Variants in GCDH observed in about 807,000 individuals in gnomAD.
The protein encoded by GCDH is glutaryl-CoA dehydrogenase, mitochondrial.
A neutral mutation model predicts 52.8 loss-of-function variants in GCDH; 31 were observed. The observed-to-expected ratio is 0.59, with a 90% CI of 0.44 to 0.79. The LOEUF (loss-of-function observed/expected upper bound fraction) is 0.79. GCDH is among the 30% of genes least tolerant of loss of function. GCDH has a pLI of 0.00. For synonymous variants in GCDH, 242 were observed against 250.0 expected (o/e 0.97, Z 0.30); for missense variants, 509 against 595.0 (o/e 0.86, Z 1.50).
rs1203022386 is a variant in GCDH at position 12,896,270 on chromosome 19, G to A, written c.701G>A (p.Arg234Gln). The change falls in exon 8 of 12, where the codon CGG (arginine) becomes CAG (glutamine). Residue 234 changes from arginine to glutamine, a missense_variant. Physicochemically the swap from Arg to Gln is conservative, Grantham distance 43 (BLOSUM62 1). Transcript: ENST00000222214. This position sits in a 1 kb window ranked among gnomAD's most constrained non-coding sequence, Gnocchi z 5.5. ...GCTCGGTGTGAAGATGGCTGCATTC[G>A]GGGCTTCCTGCTGGAGAAGGGGATG... ...VWARCEDGCIRGFLLEKGMRG... is the reference protein window; with the variant it reads ...VWARCEDGCIQGFLLEKGMRG... 6.8e-6 allele frequency: 11 copies of A among 1,611,880 alleles called. No individual in the cohort carries two copies. The highest frequency in any genetic ancestry group is 3.3e-4 in the Middle Eastern group (2 of 6,052).
Position 12,895,982 on chromosome 19 carries a change from G to A in GCDH, c.506-10G>A, listed in dbSNP as rs753347860. 3 of 1,613,748 alleles carry A rather than the reference G, an allele frequency of 1.9e-6. No homozygotes were observed. In the Admixed American group the frequency reaches 5.0e-5, roughly 27 times the overall value. On this transcript the variant is annotated splice_polypyrimidine_tract_variant and intron_variant, in intron 6 of 11. Coordinates refer to ENST00000222214, the MANE Select transcript of GCDH (RefSeq NM_000159.4). ...CCAGGCAGCCTTGTGACTTTGTCTT[G>A]TGCCTGCAGCCAAGGGGGAGCTCCT...
In GCDH at chr19:12,899,946, G is replaced by A. The variant is rs1245500337; in HGVS notation, c.*405G>A. 5 of 1,611,396 alleles carry A rather than the reference G, an allele frequency of 3.1e-6. No individual in the cohort carries two copies. The highest frequency in any genetic ancestry group is 1.1e-5 in the South Asian group (1 of 90,872). On this transcript the variant is annotated 3_prime_UTR_variant, in exon 12 of 12. Transcript: ENST00000222214. ...GGTGTTGGAGCAGAGTGAGGGAGAG[G>A]AAAATAAAGACCTGCACATCTGACC...
chr19:12,897,469 G>A (rs1258666296), intron 10 of GCDH, 41 bp downstream of exon 10: 8 of 1,607,212 alleles, frequency 5.0e-6, no homozygotes, highest in Non-Finnish European at 6.8e-6. Context: ...GGCAGCGGTG[G>A]CTGGAGGACC....
chr19:12,897,771 A>G lies in GCDH; in HGVS notation c.1151A>G (p.Gln384Arg). Residue 384 changes from glutamine to arginine, a missense_variant, in exon 11 of 12, where the codon CAG becomes CGG. Transcript: ENST00000222214. ...GGGAAAGCCCTGGACATCGCCCGCCAGGCCCGAGACATGCTGGGGGGGAAT... is the reference window on the plus strand; with the variant it reads ...GGGAAAGCCCTGGACATCGCCCGCCGGGCCCGAGACATGCTGGGGGGGAAT... ...NCGKALDIAR[Q>R]ARDMLGGNGI... 1 of 1,614,048 alleles carries G rather than the reference A, an allele frequency of 6.2e-7. No homozygotes were observed.
At position 12,891,470 on chromosome 19, in the gene GCDH, C is replaced by T. The variant is rs1373329855; in HGVS notation, c.92-17C>T. On this transcript the variant is annotated splice_polypyrimidine_tract_variant and intron_variant, in intron 2 of 11. Transcript: ENST00000222214. ...TTAGGGACTTTCCGGGGTGACTTTC[C>T]CGTTCTGTGCTTGCAGAGAAAGGCG... The T allele has an allele frequency of 2.5e-6, 4 of 1,614,204 alleles. No individual in the cohort carries two copies. Among genetic ancestry groups the T allele is most frequent in the Admixed American group, 1.7e-5 (1 of 60,024 alleles).
At chr19:12,898,928 C>G (rs1042600529) in intron 11 of GCDH, 7 of 234,710 alleles carry the variant, frequency 3.0e-5, no homozygotes, top group African/African-American at 1.6e-4. Flanking sequence ...CTGGGAGAGG[C>G]GGCTTCAGAT....
Position 12,893,629 on chromosome 19 carries a change from C to T in GCDH, c.481C>T (p.Arg161Trp), listed in dbSNP as rs1173575355. ...CTATGCCTATGGCAGCGAGGAACAG[C>T]GGCAGAAGTACCTGCCCCAGCTGGG... ...PIYAYGSEEQ[R>W]QKYLPQLAKG... Residue 161 changes from arginine (R) to tryptophan (W), a missense_variant, in exon 6 of 12, where the codon CGG (arginine) becomes TGG (tryptophan). Coordinates refer to ENST00000222214, the MANE Select transcript of GCDH (RefSeq NM_000159.4). 7 of 1,614,020 alleles carry T rather than the reference C, an allele frequency of 4.3e-6. No homozygotes were observed. Among genetic ancestry groups the T allele is most frequent in the Middle Eastern group, 1.6e-4 (1 of 6,062 alleles).
intron 10 of GCDH, 117 bp from the exon 11 acceptor site, chr19:12,897,586 C>A: frequency 6.9e-7 from 1 of 1,444,976 alleles, no homozygotes; most frequent in Non-Finnish European, 9.7e-7. Context: ...GACAGCCCCA[C>A]TGGTCCCTCA....
At position 12,893,627 on chromosome 19, in the gene GCDH, A is replaced by G. The variant is rs1176799813; in HGVS notation, c.479A>G (p.Gln160Arg). The change falls in exon 6 of 12, where the codon CAG becomes CGG. Residue 160 changes from glutamine (Q) to arginine (R), a missense_variant. Gln to Arg is a conservative substitution (Grantham distance 43, BLOSUM62 1). Coordinates refer to ENST00000222214, the MANE Select transcript of GCDH (RefSeq NM_000159.4). ...ATCTATGCCTATGGCAGCGAGGAAC[A>G]GCGGCAGAAGTACCTGCCCCAGCTG... Reference protein sequence around the residue: ...HPIYAYGSEEQRQKYLPQLAK... With the variant: ...HPIYAYGSEERRQKYLPQLAK... 4 of 1,613,982 alleles carry G rather than the reference A, an allele frequency of 2.5e-6. No individual in the cohort carries two copies. Among genetic ancestry groups the G allele is most frequent in the Non-Finnish European group, 3.4e-6 (4 of 1,180,012 alleles).
intron 6 of GCDH, chr19:12,894,745 A>C: frequency 1.2e-6 from 1 of 833,512 alleles, no homozygotes; most frequent in Non-Finnish European, 1.9e-6. Context: ...AAAATAAAGA[A>C]GAGGCTGCAG....
chr19:12,891,138 GC>G, upstream of GCDH: 2 of 637,518 alleles, frequency 3.1e-6, no homozygotes, highest in Non-Finnish European at 5.7e-6. Context: ...CCCACTTCTT[GC>G]TGAGGTCAAA....
At position 12,896,135 on chromosome 19, in the gene GCDH, G is replaced by A. The variant is rs1342410963; in HGVS notation, c.635+14G>A. ...GACCAAGACCTGGTAAGGGTTCTGG[G>A]TGGTGGGCAGGTGGTGAACAGGGGC... is the stretch of plus-strand genomic sequence containing the variant. On this transcript the variant is annotated intron_variant, in intron 7 of 11. Transcript: ENST00000222214. The surrounding 1 kb of genome is among the most constrained non-coding windows in gnomAD (Gnocchi z 5.5). The A allele has an allele frequency of 1.2e-6, 2 of 1,614,176 alleles. No homozygotes were observed. Among genetic ancestry groups the A allele is most frequent in the Admixed American group, 1.7e-5 (1 of 60,016 alleles).
intron 9 of GCDH, 47 bp downstream of exon 9, chr19:12,897,060 G>A: frequency 6.8e-7 from 1 of 1,477,662 alleles, no homozygotes; most frequent in Non-Finnish European, 9.4e-7. Flanking sequence ...GGGGCAGCTT[G>A]GGTTTCACTC....
rs747459082 is a variant in GCDH at position 12,891,358 on chromosome 19, C to T, written c.54C>T (p.His18=). The part of the protein sequence containing the change: ...VRLLSRGPGL[H]VLRTWVSSAA... Reference sequence around the variant, plus strand: ...TGCTGAGCCGCGGACCCGGCCTGCACGTCCTTCGCACGTGGGTCTCGTCGG... The same window carrying T: ...TGCTGAGCCGCGGACCCGGCCTGCATGTCCTTCGCACGTGGGTCTCGTCGG... The change falls in exon 2 of 12, where the codon CAC becomes CAT. Residue 18 remains histidine, a synonymous_variant. Coordinates refer to ENST00000222214, the MANE Select transcript of GCDH (RefSeq NM_000159.4). The T allele has an allele frequency of 1.9e-5, 30 of 1,613,556 alleles. No individual in the cohort carries two copies. Among genetic ancestry groups the T allele is most frequent in the South Asian group, 3.3e-5 (3 of 91,084 alleles).
intron 11 of GCDH, among the ~76,000 whole-genome samples, chr19:12,898,587 G>A (rs1309965405): frequency 6.6e-6 from 1 of 151,326 alleles, no homozygotes; most frequent in East Asian, 2.0e-4. Context: ...CGGGCGCCAT[G>A]AGATGGTTTT....
intron 6 of GCDH, chr19:12,894,905 C>G: frequency 3.6e-6 from 1 of 275,656 alleles, no homozygotes; most frequent in Non-Finnish European, 6.8e-6. Flanking sequence ...CAAATAAGAT[C>G]AGATTCGCAA....
In GCDH at chr19:12,897,003, G is replaced by T; in HGVS notation, c.946G>T (p.Ala316Ser). The change falls in exon 9 of 12, where the codon GCC (alanine) becomes TCC (serine). Residue 316 changes from alanine to serine, a missense_variant. Physicochemically the swap from Ala to Ser is moderately conservative, Grantham distance 99. Transcript: ENST00000222214. ...CTGCTTGCACACAGCCCGGCAGTAC[G>T]CCCTCGACAGGTGTGTGAGGGCTGC... ...EFCLHTARQY[A>S]LDRMQFGVPL... 1.2e-6 allele frequency: 2 copies of T among 1,610,964 alleles called. No homozygotes were observed.
At chr19:12,892,622 G>C in intron 5 of GCDH, among the ~76,000 whole-genome samples, 1 of 151,606 alleles carries the variant, frequency 6.6e-6, no homozygotes, top group South Asian at 2.1e-4. Flanking sequence ...CGCTCTTGTT[G>C]TCCAGGCTGG....
In GCDH at chr19:12,891,499, G is replaced by A. The variant is rs373749152; in HGVS notation, c.104G>A (p.Arg35Lys). The change falls in exon 3 of 12, where the codon AGA (arginine) becomes AAA (lysine). Residue 35 changes from arginine to lysine, a missense_variant. Transcript: ENST00000222214. ...SSAAQTEKGG[R>K]TQSQLAKSSR... ...TCTGTGCTTGCAGAGAAAGGCGGGA[G>A]AACACAGAGCCAACTGGCTAAGTGT... 2 of 1,614,122 alleles carry A rather than the reference G, an allele frequency of 1.2e-6. No homozygotes were observed. The highest frequency in any genetic ancestry group is 2.7e-5 in the African/African-American group (2 of 74,938).
Sources: gnomAD v4.1 joint callset for allele counts (sites outside exome capture counted in the v4.1 genomes callset) on GRCh38, gnomAD v4.1.1 for gene constraint, Gnocchi (gnomAD v3.1) non-coding constraint, MANE v1.5 for transcripts, NCBI Gene and HGNC (gene_info 2026-07-23, HGNC 2026-07-21) for gene names.